ADAMTS20: variants seen among roughly 807,000 people sequenced by gnomAD.
ADAMTS20 encodes ADAM metallopeptidase with thrombospondin type 1 motif 20.
Under a neutral mutation model 260.1 loss-of-function variants are expected in ADAMTS20, and 225 were observed. That is an observed-to-expected ratio of 0.87 (90% CI 0.78 to 0.97). The LOEUF is 0.97. ADAMTS20 is among the 50% of genes least tolerant of loss of function. The pLI is 0.00. For synonymous variants in ADAMTS20, 802 were observed against 769.5 expected (o/e 1.04, Z -0.70); for missense variants, 2,400 against 2,337.7 (o/e 1.03, Z -0.55).
At chr12:43,464,283 C>T (rs1198293352) in intron 10 of ADAMTS20, among the ~76,000 whole-genome samples, 1 of 151,978 alleles carries the variant, frequency 6.6e-6, no homozygotes, top group Non-Finnish European at 1.5e-5. Context: ...AAAATAATAT[C>T]ATTTGAAAAT....
intron 7 of ADAMTS20, among the ~76,000 whole-genome samples, chr12:43,486,122 G>A (rs1220281648): frequency 2.0e-5 from 3 of 151,928 alleles, no homozygotes; most frequent in African/African-American, 7.2e-5. Context: ...AGTAGCTAAG[G>A]CAATCCTAAG....
intron 9 of ADAMTS20, among the ~76,000 whole-genome samples, chr12:43,465,093 G>T (rs1286780765): frequency 6.6e-6 from 1 of 152,082 alleles, no homozygotes; most frequent in Non-Finnish European, 1.5e-5. Flanking sequence ...TGCCTCAAGT[G>T]TAATGACTAA....
chr12:43,429,442 C>CAA (rs1941397062), intron 24 of ADAMTS20, among the ~76,000 whole-genome samples, 175 bp downstream of exon 24: 2 of 152,028 alleles, frequency 1.3e-5, no homozygotes, highest in Admixed American at 6.6e-5. Context: ...ACACAGAGCT[C>CAA]TTGAAAGGCA....
rs1434853358 is a variant in ADAMTS20, at chr12:43,353,948, C to T, written c.*261G>A. ...ACTGTCTTGGTATAATTCATTCAATCCTGGTATTCTCTATTATAAATTATT... is the reference window on the plus strand; with the variant it reads ...ACTGTCTTGGTATAATTCATTCAATTCTGGTATTCTCTATTATAAATTATT... On this transcript the variant is annotated 3_prime_UTR_variant, in exon 39 of 39. Transcript: ENST00000389420. 3 of 267,822 alleles carry T rather than the reference C, an allele frequency of 1.1e-5. No homozygotes were observed. Among genetic ancestry groups the T allele is most frequent in the Non-Finnish European group, 2.1e-5 (3 of 140,166 alleles). The allele number at this position is 267,822 out of a possible 1,614,324, so 16.6% of individuals were successfully genotyped here. A position where few individuals can be genotyped will look rare whatever the true frequency, so the allele number is the denominator to read the frequency against.
chr12:43,358,283 A>G (rs1388645213), intron 37 of ADAMTS20, among the ~76,000 whole-genome samples: 1 of 152,232 alleles, frequency 6.6e-6, no homozygotes, highest in African/African-American at 2.4e-5. Flanking sequence ...AGTTGAGTCT[A>G]GAACTATCGA....
intron 18 of ADAMTS20, among the ~76,000 whole-genome samples, chr12:43,438,527 T>C (rs1941599506): frequency 2.0e-5 from 3 of 152,134 alleles, no homozygotes; most frequent in African/African-American, 7.2e-5. Context: ...GAACATTTGT[T>C]CCCATGAAAT....
intron 3 of ADAMTS20, among the ~76,000 whole-genome samples, chr12:43,526,724 A>T (rs974402837): frequency 6.6e-6 from 1 of 152,248 alleles, no homozygotes; most frequent in African/African-American, 2.4e-5. Flanking sequence ...AAATTTGTAC[A>T]TCAAAAAGTC....
chr12:43,471,436 C>A (rs1942259278), intron 7 of ADAMTS20, among the ~76,000 whole-genome samples: 1 of 102,674 alleles, frequency 9.7e-6, no homozygotes, highest in African/African-American at 3.8e-5. Context: ...CCCAGGCTTG[C>A]TTAGGTAAAC....
At chr12:43,454,370 G>A (rs1432573245) in intron 11 of ADAMTS20, among the ~76,000 whole-genome samples, 4 of 152,102 alleles carry the variant, frequency 2.6e-5, no homozygotes, top group Non-Finnish European at 5.9e-5. Context: ...GGTTAATATG[G>A]TATATTTCCA....
intron 36 of ADAMTS20, among the ~76,000 whole-genome samples, chr12:43,373,869 C>T (rs1035138905): frequency 2.6e-5 from 4 of 151,054 alleles, no homozygotes; most frequent in East Asian, 1.9e-4. Context: ...TTAGTAGAGA[C>T]GGGGTTTCAC....
chr12:43,492,674 C>G (rs1440157814), intron 5 of ADAMTS20, 45 bp from the exon 6 acceptor site: 2 of 1,599,688 alleles, frequency 1.3e-6, no homozygotes, highest in Non-Finnish European at 1.7e-6. Context: ...ATATTAACGT[C>G]CTCTTTTCCT....
At chr12:43,447,990 A>G (rs1190427935) in intron 14 of ADAMTS20, among the ~76,000 whole-genome samples, 1 of 152,202 alleles carries the variant, frequency 6.6e-6, no homozygotes, top group Non-Finnish European at 1.5e-5. Flanking sequence ...AGCAATAGAG[A>G]TGACACAAAC....
intron 27 of ADAMTS20, among the ~76,000 whole-genome samples, chr12:43,426,941 T>C (rs958228825): frequency 2.0e-5 from 3 of 152,120 alleles, no homozygotes; most frequent in Non-Finnish European, 4.4e-5. Flanking sequence ...AATAAATTAG[T>C]CGGGAGAATC....
chr12:43,359,695 T>C (rs1939826881), intron 37 of ADAMTS20, among the ~76,000 whole-genome samples: 1 of 152,162 alleles, frequency 6.6e-6, no homozygotes, highest in Non-Finnish European at 1.5e-5. Context: ...TGGCCAATAC[T>C]TTTGACAAAG....
At chr12:43,405,229 C>CAAAAAAAAAAAAAAAA (rs869040570) in intron 28 of ADAMTS20, among the ~76,000 whole-genome samples, 1 of 52,790 alleles carries the variant, frequency 1.9e-5, no homozygotes, top group Non-Finnish European at 3.2e-5. Context: ...CTCATCTCTA[C>CAAAAAAAAAAAAAAAA]AAAAAAAAAA....
intron 4 of ADAMTS20, among the ~76,000 whole-genome samples, chr12:43,499,135 T>G (rs1015014383): frequency 3.3e-5 from 5 of 152,126 alleles, no homozygotes; most frequent in Non-Finnish European, 7.4e-5. Flanking sequence ...AGACTTACCC[T>G]CCTTAATTTT....
chr12:43,366,922 T>G (rs1281640765), intron 37 of ADAMTS20, among the ~76,000 whole-genome samples: 1 of 151,996 alleles, frequency 6.6e-6, no homozygotes, highest in African/African-American at 2.4e-5. Context: ...AAGGGAATAC[T>G]ATGAACAATG....
intron 29 of ADAMTS20, among the ~76,000 whole-genome samples, chr12:43,398,829 A>G (rs1467197742): frequency 1.3e-5 from 2 of 152,140 alleles, no homozygotes; most frequent in African/African-American, 4.8e-5. Flanking sequence ...TGGGCAACAT[A>G]GCAAGAACTG....
chr12:43,475,591 C>T (rs944905078), intron 7 of ADAMTS20, among the ~76,000 whole-genome samples: 1 of 152,146 alleles, frequency 6.6e-6, no homozygotes, highest in African/African-American at 2.4e-5. Context: ...TGACTTCAAA[C>T]CATACTACAA....
Sources: allele counts gnomAD v4.1 joint callset (sites outside exome capture counted in the v4.1 genomes callset), GRCh38; gene constraint gnomAD v4.1.1; transcripts MANE v1.5; gene names NCBI Gene and HGNC (gene_info 2026-07-23, HGNC 2026-07-21).